The following RAI1 variants were observed in gnomAD, a reference collection of about 807,000 sequenced individuals.
RAI1 encodes retinoic acid induced 1, also known as retinoic acid-induced protein 1.
Under a neutral mutation model 123.8 loss-of-function variants are expected in RAI1, and 9 were observed. The observed-to-expected ratio is 0.07, with a 90% CI of 0.04 to 0.13. The LOEUF (loss-of-function observed/expected upper bound fraction) is 0.13. RAI1 is among the 10% of genes least tolerant of loss of function. RAI1 has a pLI of 1.00. For synonymous variants in RAI1, 1,231 were observed against 1,127.3 expected (o/e 1.09, Z -1.84); for missense variants, 2,256 against 2,545.8 (o/e 0.89, Z 2.45).
At chr17:17,727,110 T>A (rs1567853129) in intron 2 of RAI1, among the ~76,000 whole-genome samples, 1 of 152,278 alleles carries the variant, frequency 6.6e-6, no homozygotes, top group Non-Finnish European at 1.5e-5. Flanking sequence ...CCACTGCTGA[T>A]GCCGAAGGCT....
chr17:17,793,401 G>C lies in RAI1; in HGVS notation c.453G>C (p.Val151=), dbSNP rs767613627. The C allele has an allele frequency of 1.4e-5, 22 of 1,613,634 alleles. No homozygotes were observed. Among genetic ancestry groups the C allele is most frequent in the Non-Finnish European group, 1.9e-5 (22 of 1,179,976 alleles). Residue 151 remains valine, a synonymous_variant, in exon 3 of 6, where the codon GTG becomes GTC. Coordinates refer to ENST00000353383, the MANE Select transcript of RAI1 (RefSeq NM_030665.4). ...AGAACTTGATGAAAAAGACAGCAGTGCCCCCCAGCAGGCAGTATGCAGAGC... is the reference window on the plus strand; with the variant it reads ...AGAACTTGATGAAAAAGACAGCAGTCCCCCCCAGCAGGCAGTATGCAGAGC... ...YDENLMKKTA[V]PPSRQYAEQG...
chr17:17,690,183 G>C (rs1914788792), intron 1 of RAI1, among the ~76,000 whole-genome samples: 1 of 152,028 alleles, frequency 6.6e-6, no homozygotes, highest in Admixed American at 6.6e-5. Flanking sequence ...CCGGGAGTTC[G>C]AGACCAGCCT....
Position 17,798,532 on chromosome 17 carries a change from C to T in RAI1, c.5565+19C>T. On this transcript the variant is annotated intron_variant, in intron 3 of 5. Coordinates refer to ENST00000353383, the MANE Select transcript of RAI1 (RefSeq NM_030665.4). ...GGACATGGTAAGAGGCCAGCCCAGC[C>T]AGGGTGGGGAGTGTGGGGTTCCAAA... The T allele has an allele frequency of 6.3e-7, 1 of 1,598,102 alleles. No individual in the cohort carries two copies. The highest frequency in any genetic ancestry group is 8.5e-7 in the Non-Finnish European group (1 of 1,179,662).
chr17:17,747,756 G>T (rs1328429647), intron 2 of RAI1, among the ~76,000 whole-genome samples: 3 of 152,120 alleles, frequency 2.0e-5, no homozygotes, highest in Non-Finnish European at 4.4e-5. Context: ...CAAAAAACTT[G>T]AAAAGATATC....
chr17:17,740,613 A>G (rs1427599580), intron 2 of RAI1, among the ~76,000 whole-genome samples: 2 of 152,228 alleles, frequency 1.3e-5, no homozygotes, highest in East Asian at 3.9e-4. Flanking sequence ...CCACGTGGCC[A>G]TCAGGTGGCC....
At chr17:17,788,343 C>A (rs2031899540) in intron 2 of RAI1, among the ~76,000 whole-genome samples, 1 of 152,158 alleles carries the variant, frequency 6.6e-6, no homozygotes, top group African/African-American at 2.4e-5. Context: ...GAAACTCGCC[C>A]CCTTCCTCCC....
At chr17:17,682,100 T>G (rs1355021209) in intron 1 of RAI1, among the ~76,000 whole-genome samples, 2 of 132,816 alleles carry the variant, frequency 1.5e-5, no homozygotes, top group Non-Finnish European at 3.2e-5. Flanking sequence ...GAGGGGCGAG[T>G]GTGGCAAGGG....
intron 1 of RAI1, among the ~76,000 whole-genome samples, chr17:17,708,462 C>G (rs543727892): frequency 3.9e-5 from 6 of 151,996 alleles, no homozygotes; most frequent in Non-Finnish European, 1.5e-5. Flanking sequence ...CCCTTAGAGA[C>G]AGAGTCTCAC....
At chr17:17,708,942 C>A (rs892947964) in intron 1 of RAI1, among the ~76,000 whole-genome samples, 2 of 152,232 alleles carry the variant, frequency 1.3e-5, no homozygotes, top group Admixed American at 1.3e-4. Context: ...CTGCTCCAGG[C>A]ACAAAGGGAA....
intron 2 of RAI1, chr17:17,778,925 C>T (rs958772654): frequency 8.8e-6 from 4 of 456,914 alleles, no homozygotes; most frequent in Non-Finnish European, 1.8e-5. Context: ...GGGGCTGGGG[C>T]GGGGCCTGGG....
rs762174634 is a variant in RAI1, at chr17:17,795,499, G to A, written c.2551G>A (p.Gly851Arg). ...SRHCCSTADF[G>R]DLPLLPPTSR... is the part of the protein sequence containing the mutation. ...GCACTGCTGTTCCACCGCCGACTTC[G>A]GGGACCTCCCACTGCTGCCACCCAC... Residue 851 changes from glycine (G) to arginine (R), a missense_variant, in exon 3 of 6, where the codon GGG becomes AGG. Physicochemically the swap from Gly to Arg is moderately radical, Grantham distance 125. Around this residue, in one of 7 missense-constraint regions of RAI1, gnomAD observed 566 missense variants for 616.0 expected, o/e 0.92. Transcript: ENST00000353383. The surrounding 1 kb of genome is among the most constrained non-coding windows in gnomAD (Gnocchi z 5.9). 8 of 1,588,400 alleles carry A rather than the reference G, an allele frequency of 5.0e-6. No homozygotes were observed. Among genetic ancestry groups the A allele is most frequent in the African/African-American group, 2.7e-5 (2 of 74,478 alleles).
intron 2 of RAI1, among the ~76,000 whole-genome samples, chr17:17,752,146 GC>G (rs2142984589): frequency 6.6e-6 from 1 of 152,254 alleles, no homozygotes. Context: ...GCTGCCCAGC[GC>G]CCCGCAGGAG....
rs1297151395 is a variant in RAI1, at chr17:17,795,811, G to C, written c.2863G>C (p.Gly955Arg). Residue 955 changes from glycine to arginine, a missense_variant, in exon 3 of 6, where the codon GGG (glycine) becomes CGG (arginine). Physicochemically the swap from Gly to Arg is moderately radical, Grantham distance 125 (BLOSUM62 -2). Coordinates refer to ENST00000353383, the MANE Select transcript of RAI1 (RefSeq NM_030665.4). This position sits in a 1 kb window ranked among gnomAD's most constrained non-coding sequence, Gnocchi z 5.9. ...SLSHMKPGEEGPDGERAPGDS... is the reference protein window; with the variant it reads ...SLSHMKPGEERPDGERAPGDS... ...GTCACACATGAAGCCAGGTGAAGAG[G>C]GGCCTGATGGGGAGCGAGCTCCAGG... 1 of 1,613,486 alleles carries C rather than the reference G, an allele frequency of 6.2e-7. No individual in the cohort carries two copies. The highest frequency in any genetic ancestry group is 2.2e-5 in the East Asian group (1 of 44,892).
At chr17:17,683,592 T>C (rs1255241495) in intron 1 of RAI1, 1 of 152,238 alleles carries the variant, frequency 6.6e-6, no homozygotes, top group African/African-American at 2.4e-5. Flanking sequence ...AGTGGCCTTT[T>C]GCGTGACACA....
At chr17:17,790,639 C>T (rs2031979849) in intron 2 of RAI1, among the ~76,000 whole-genome samples, 1 of 152,094 alleles carries the variant, frequency 6.6e-6, no homozygotes, top group Non-Finnish European at 1.5e-5. Context: ...AAAAATAAAG[C>T]CGTAGAAATG....
At chr17:17,802,631 C>A (rs1046973412) in intron 3 of RAI1, among the ~76,000 whole-genome samples, 3 of 151,992 alleles carry the variant, frequency 2.0e-5, no homozygotes, top group African/African-American at 4.8e-5. Flanking sequence ...AAAAAATTAG[C>A]CTGGCGTGGT....
intron 1 of RAI1, among the ~76,000 whole-genome samples, chr17:17,686,382 G>A (rs2142855888): frequency 6.6e-6 from 1 of 152,226 alleles, no homozygotes; most frequent in Middle Eastern, 3.4e-3. Context: ...GGGGCTGGGA[G>A]AAACTGGCTC....
chr17:17,703,308 G>A (rs1449124903), intron 1 of RAI1, among the ~76,000 whole-genome samples: 1 of 152,206 alleles, frequency 6.6e-6, no homozygotes, highest in Admixed American at 6.5e-5. Flanking sequence ...GGCTGACGTA[G>A]GAAGGCTGCA....
intron 4 of RAI1, among the ~76,000 whole-genome samples, chr17:17,804,840 T>TTTTTTTTA (rs780671318): frequency 1.3e-5 from 2 of 149,360 alleles, no homozygotes; most frequent in African/African-American, 5.1e-5. Flanking sequence ...GTGTTTTTAT[T>TTTTTTTTA]TTTATTTATT....
Sources: gnomAD v4.1 joint callset for allele counts (sites outside exome capture counted in the v4.1 genomes callset) on GRCh38, gnomAD v4.1.1 for gene constraint, gnomAD v4.1.1 regional missense constraint, Gnocchi (gnomAD v3.1) non-coding constraint, MANE v1.5 for transcripts, NCBI Gene and HGNC (gene_info 2026-07-23, HGNC 2026-07-21) for gene names.